Variants in PSIP1 observed in about 807,000 individuals in gnomAD.
The protein encoded by PSIP1 is PC4 and SRSF1 interacting protein 1.
A neutral mutation model predicts 74.7 loss-of-function variants in PSIP1; 19 were observed. The observed-to-expected ratio is 0.25, with a 90% CI of 0.18 to 0.37. PSIP1 has a LOEUF of 0.37. Among genes scored for constraint, PSIP1 ranks in the 10% least tolerant of loss-of-function variants. The pLI is 1.00. For missense variants in PSIP1, 601 were observed against 614.3 expected, an observed-to-expected ratio of 0.98 and a Z score of 0.23; for synonymous variants, 222 against 195.3, an observed-to-expected ratio of 1.14 and a Z score of -1.14.
At chr9:15,475,131 T>C (rs536478095) in intron 8 of PSIP1, among the ~76,000 whole-genome samples, 5 of 152,328 alleles carry the variant, frequency 3.3e-5, no homozygotes, top group East Asian at 1.9e-4. Context: ...AACTATTAAG[T>C]TGGAAGAGAA....
At chr9:15,491,673 A>C (rs1016012111) in intron 3 of PSIP1, among the ~76,000 whole-genome samples, 10 of 152,200 alleles carry the variant, frequency 6.6e-5, no homozygotes, top group African/African-American at 2.4e-4. Flanking sequence ...AACCCACTCT[A>C]AAGTCAAAAA....
chr9:15,497,277 T>C (rs2037121489), intron 3 of PSIP1, among the ~76,000 whole-genome samples: 1 of 149,808 alleles, frequency 6.7e-6, no homozygotes, highest in Non-Finnish European at 1.5e-5. Context: ...AAAAACATCA[T>C]CCTAAGTGAG....
intron 14 of PSIP1, among the ~76,000 whole-genome samples, chr9:15,467,937 A>G (rs745615774): frequency 6.6e-6 from 1 of 151,802 alleles, no homozygotes; most frequent in Non-Finnish European, 1.5e-5. Flanking sequence ...CCTGACCAAC[A>G]TGGAGAAACC....
intron 3 of PSIP1, among the ~76,000 whole-genome samples, chr9:15,501,396 GA>G (rs34513767): frequency 0.094 from 13,771 of 146,338 alleles, 1,043 homozygotes; most frequent in African/African-American, 0.21. Flanking sequence ...GAGAAAAGGG[GA>G]AAAAAAAAAA....
rs374039409 is a variant in PSIP1, at chr9:15,469,311, T to G, written c.1059A>C (p.Gln353His). ...AATTTTTAATCTCAGCATGTATCCT[T>G]TGAAGTCGAGAATCCATTGATGTTT... ...KRETSMDSRL[Q>H]RIHAEIKNSL... The change falls in exon 12 of 16, where the codon CAA becomes CAC. Residue 353 changes from glutamine to histidine, a missense_variant. Gln to His is a conservative substitution (Grantham distance 24). This residue lies in a region of PSIP1 where 538 missense variants were observed against 507.6 expected (regional missense o/e 1.06). Transcript: ENST00000380733. 32 of 1,573,466 alleles carry G rather than the reference T, an allele frequency of 2.0e-5. No individual in the cohort carries two copies. Among genetic ancestry groups the G allele is most frequent in the Non-Finnish European group, 2.8e-5 (32 of 1,158,190 alleles).
At chr9:15,466,160 C>T (rs2035610247) in intron 15 of PSIP1, among the ~76,000 whole-genome samples, 1 of 152,118 alleles carries the variant, frequency 6.6e-6, no homozygotes, top group Admixed American at 6.5e-5. Context: ...GGTGGATCAC[C>T]TGAGGTCAGG....
Position 15,506,684 on chromosome 9 carries a change from C to G in PSIP1, c.73-47G>C, listed in dbSNP as rs750151924. The G allele has an allele frequency of 2.0e-5, 27 of 1,377,846 alleles. No individual in the cohort carries two copies. The Admixed American group carries it at 2.1e-4, about 11-fold the overall frequency. The allele number at this position is 1,377,846 out of a possible 1,614,324, so 85.4% of individuals were successfully genotyped here. A position where few individuals can be genotyped will look rare whatever the true frequency, so the allele number is the denominator to read the frequency against. On this transcript the variant is annotated intron_variant, in intron 2 of 15. Transcript: ENST00000380733. ...TTAAAATATTTTAAATCATACACACCTCAACATTTATCTGAATAAACAAGA... is the reference window on the plus strand; with the variant it reads ...TTAAAATATTTTAAATCATACACACGTCAACATTTATCTGAATAAACAAGA...
chr9:15,502,374 C>A (rs749675505), intron 3 of PSIP1, among the ~76,000 whole-genome samples: 5 of 152,148 alleles, frequency 3.3e-5, no homozygotes, highest in Non-Finnish European at 5.9e-5. Context: ...ACAGAACCCA[C>A]AGATACAGCA....
intron 10 of PSIP1, 22 bp from the exon 11 acceptor site, chr9:15,470,015 A>G: frequency 1.3e-6 from 2 of 1,573,640 alleles, no homozygotes; most frequent in Non-Finnish European, 1.7e-6. Context: ...TAACAAAAAT[A>G]TTTCAACACA....
intron 3 of PSIP1, chr9:15,492,275 C>G (rs1178195036): frequency 6.6e-6 from 1 of 152,226 alleles, no homozygotes; most frequent in East Asian, 1.9e-4. Flanking sequence ...AATGGGGGGA[C>G]AGGCATTGGC....
intron 14 of PSIP1, among the ~76,000 whole-genome samples, chr9:15,468,102 CAA>C (rs770825655): frequency 1.5e-5 from 2 of 137,042 alleles, no homozygotes; most frequent in Non-Finnish European, 3.1e-5. Context: ...GCCTGGACAA[CAA>C]GAGCGAAACT....
At chr9:15,493,230 C>G (rs1275384656) in intron 3 of PSIP1, among the ~76,000 whole-genome samples, 1 of 152,202 alleles carries the variant, frequency 6.6e-6, no homozygotes, top group Non-Finnish European at 1.5e-5. Context: ...CAGAGTTCCA[C>G]AGATCTCTAG....
At chr9:15,488,147 G>C (rs376567217) in intron 4 of PSIP1, among the ~76,000 whole-genome samples, 19 of 150,732 alleles carry the variant, frequency 1.3e-4, no homozygotes, top group African/African-American at 4.5e-4. Context: ...TGGCCAAGAT[G>C]GTGAAACCCC....
At chr9:15,473,827 G>A (rs1230674724) in intron 9 of PSIP1, among the ~76,000 whole-genome samples, 182 bp downstream of exon 9, 1 of 151,144 alleles carries the variant, frequency 6.6e-6, no homozygotes, top group Non-Finnish European at 1.5e-5. Flanking sequence ...CTTGAATCCA[G>A]GAGGCAGAGG....
intron 8 of PSIP1, among the ~76,000 whole-genome samples, chr9:15,476,638 T>G (rs1311714233): frequency 1.3e-5 from 2 of 152,224 alleles, no homozygotes; most frequent in African/African-American, 2.4e-5. Context: ...AAATGATTCC[T>G]GAGGGATGGT....
chr9:15,510,088 G>A (rs1411082060), intron 2 of PSIP1, 29 bp downstream of exon 2: 2 of 1,594,950 alleles, frequency 1.3e-6, no homozygotes, highest in African/African-American at 1.4e-5. Context: ...GGGTAGCACT[G>A]CTAAGCGCGA....
Position 15,510,105 on chromosome 9 carries a change from C to T in PSIP1, c.72+12G>A. ...GTAGCACTGCTAAGCGCGAGGGCTA[C>T]AAATCACTTACTCGAGCTGGCCAAT... is the stretch of plus-strand genomic sequence containing the variant. On this transcript the variant is annotated intron_variant, in intron 2 of 15. Transcript: ENST00000380733. The T allele has an allele frequency of 6.9e-6, 11 of 1,601,120 alleles. No homozygotes were observed. The highest frequency in any genetic ancestry group is 9.4e-6 in the Non-Finnish European group (11 of 1,173,616).
rs2037792711 is a variant in PSIP1, at chr9:15,510,197, G to A, written c.-9C>T. 6.2e-7 allele frequency: 1 copy of A among 1,602,378 alleles called. No homozygotes were observed. Among genetic ancestry groups the A allele is most frequent in the Non-Finnish European group, 8.5e-7 (1 of 1,175,190 alleles). Reference sequence around the variant, plus strand: ...TTGAAATCGCGAGTCATGTTTCGGGGGCGAGACCGGGGGTCCGAAGCCCGG... The same window carrying A: ...TTGAAATCGCGAGTCATGTTTCGGGAGCGAGACCGGGGGTCCGAAGCCCGG... On this transcript the variant is annotated 5_prime_UTR_variant, in exon 2 of 16. Transcript: ENST00000380733.
At chr9:15,488,831 C>A (rs528569177) in intron 4 of PSIP1, among the ~76,000 whole-genome samples, 4 of 152,112 alleles carry the variant, frequency 2.6e-5, no homozygotes, top group South Asian at 2.1e-4. Context: ...ACCATCCTGG[C>A]TAACACGGTG....
Sources: gnomAD v4.1 joint callset for allele counts (sites outside exome capture counted in the v4.1 genomes callset) on GRCh38, gnomAD v4.1.1 for gene constraint, gnomAD v4.1.1 regional missense constraint, MANE v1.5 for transcripts, NCBI Gene and HGNC (gene_info 2026-07-23, HGNC 2026-07-21) for gene names.